Variants in SEMA5A observed in about 807,000 individuals in gnomAD.
The protein encoded by SEMA5A is semaphorin 5A.
In SEMA5A, 55 loss-of-function variants were observed where a neutral mutation model predicts 135.5. The observed-to-expected ratio is 0.41, with a 90% CI of 0.33 to 0.51. SEMA5A has a LOEUF of 0.51. SEMA5A is among the 20% of genes least tolerant of loss of function. The pLI, the probability that SEMA5A is intolerant of heterozygous loss-of-function variation, is 0.37. For missense variants in SEMA5A, 1,290 were observed against 1,419.9 expected, an observed-to-expected ratio of 0.91 and a Z score of 1.47; for synonymous variants, 580 against 546.5, an observed-to-expected ratio of 1.06 and a Z score of -0.85.
At chr5:9,531,176 C>A (rs1737411704) in intron 1 of SEMA5A, among the ~76,000 whole-genome samples, 1 of 152,194 alleles carries the variant, frequency 6.6e-6, no homozygotes, top group Admixed American at 6.5e-5. Context: ...ATCAAGCACT[C>A]TGACCAGAAA....
At chr5:9,137,595 G>A (rs1334973973) in intron 12 of SEMA5A, among the ~76,000 whole-genome samples, 3 of 152,170 alleles carry the variant, frequency 2.0e-5, no homozygotes, top group South Asian at 4.1e-4. Flanking sequence ...GGAAGCAGAT[G>A]TGAGGAAAGA....
At chr5:9,351,624 T>G (rs1754120149) in intron 3 of SEMA5A, among the ~76,000 whole-genome samples, 1 of 152,220 alleles carries the variant, frequency 6.6e-6, no homozygotes, top group South Asian at 2.1e-4. Context: ...AACACTGTTA[T>G]TCAATGAAGA....
chr5:9,169,692 G>A (rs753688682), intron 11 of SEMA5A, among the ~76,000 whole-genome samples: 3 of 152,160 alleles, frequency 2.0e-5, no homozygotes, highest in Non-Finnish European at 2.9e-5. Flanking sequence ...CAACTTTGGT[G>A]TGGCCTCTAG....
intron 8 of SEMA5A, among the ~76,000 whole-genome samples, chr5:9,211,158 C>T (rs1746327123): frequency 6.6e-6 from 1 of 152,170 alleles, no homozygotes; most frequent in Non-Finnish European, 1.5e-5. Context: ...ATCTCATCTT[C>T]ACCCTAGCAA....
chr5:9,400,511 T>TCATGAAGAAATCAACTCTACAATTAC (rs1279162438), intron 2 of SEMA5A, among the ~76,000 whole-genome samples: 2 of 66,682 alleles, frequency 3.0e-5, no homozygotes, highest in African/African-American at 1.4e-4. Context: ...ATTTTTTTTT[T>TCATGAAGAAATCAACTCTACAATTAC]TTTTTTTTTT....
chr5:9,099,454 A>G (rs1163052471), intron 16 of SEMA5A, among the ~76,000 whole-genome samples: 1 of 152,212 alleles, frequency 6.6e-6, no homozygotes, highest in Non-Finnish European at 1.5e-5. Flanking sequence ...TATTCCCTTT[A>G]CGGAAGAATA....
intron 5 of SEMA5A, among the ~76,000 whole-genome samples, chr5:9,307,294 G>A (rs1032345966): frequency 6.6e-6 from 1 of 152,126 alleles, no homozygotes; most frequent in Non-Finnish European, 1.5e-5. Context: ...AGCTATGAGA[G>A]CACAGCAAAA....
At chr5:9,306,117 G>A (rs1268560605) in intron 5 of SEMA5A, among the ~76,000 whole-genome samples, 1 of 152,158 alleles carries the variant, frequency 6.6e-6, no homozygotes, top group Non-Finnish European at 1.5e-5. Context: ...TGACTATAAC[G>A]TGCTGGTGTG....
At chr5:9,074,868 T>A (rs1226629688) in intron 16 of SEMA5A, among the ~76,000 whole-genome samples, 2 of 152,256 alleles carry the variant, frequency 1.3e-5, no homozygotes, top group East Asian at 3.9e-4. Context: ...GAGGACACAA[T>A]GCTTTAGATT....
At chr5:9,162,538 A>G (rs375668336) in intron 11 of SEMA5A, among the ~76,000 whole-genome samples, 10 of 73,558 alleles carry the variant, frequency 1.4e-4, no homozygotes, top group Non-Finnish European at 3.3e-4. Flanking sequence ...ATATATATGT[A>G]TGTGTGTATA....
chr5:9,366,599 A>G (rs1319275014), intron 3 of SEMA5A, among the ~76,000 whole-genome samples: 1 of 152,202 alleles, frequency 6.6e-6, no homozygotes, highest in East Asian at 1.9e-4. Context: ...CGTGTTAGCT[A>G]GGACGGTCTC....
Position 9,226,975 on chromosome 5 carries a change from A to G in SEMA5A, c.334-8T>C. 7.0e-7 allele frequency: 1 copy of G among 1,437,962 alleles called. No individual in the cohort carries two copies. The highest frequency in any genetic ancestry group is 1.8e-4 in the Middle Eastern group (1 of 5,418). 89.1% of individuals were successfully genotyped at this position (1,437,962 alleles called of 1,614,324 possible). ...GTAGTTCTGACATTCCTCCTGAGGG[A>G]AAATAAATAAATTAATTAAAAATAT... On this transcript the variant is annotated splice_polypyrimidine_tract_variant and splice_region_variant and intron_variant, in intron 6 of 22. Transcript: ENST00000382496.
chr5:9,482,102 A>C (rs772376345), intron 1 of SEMA5A, among the ~76,000 whole-genome samples: 3 of 152,194 alleles, frequency 2.0e-5, no homozygotes, highest in Non-Finnish European at 4.4e-5. Flanking sequence ...TTTCTCATTT[A>C]ATGTGATCGC....
At chr5:9,399,784 G>A (rs756576416) in intron 2 of SEMA5A, among the ~76,000 whole-genome samples, 5 of 152,132 alleles carry the variant, frequency 3.3e-5, no homozygotes, top group Non-Finnish European at 7.4e-5. Context: ...TCTTGGGTAA[G>A]AGGGGCTTCC....
intron 5 of SEMA5A, among the ~76,000 whole-genome samples, chr5:9,249,900 G>T (rs1748683939): frequency 6.6e-6 from 1 of 152,214 alleles, no homozygotes; most frequent in Admixed American, 6.5e-5. Flanking sequence ...TGGAGAACTG[G>T]ACCCCAGGGT....
chr5:9,052,441 A>C (rs187018393), intron 19 of SEMA5A, among the ~76,000 whole-genome samples: 329 of 152,274 alleles, frequency 2.2e-3, no homozygotes, highest in Non-Finnish European at 3.7e-3. Context: ...GCTTTCCTGA[A>C]ACATTCCTGA....
intron 1 of SEMA5A, among the ~76,000 whole-genome samples, chr5:9,497,052 C>A (rs185106907): frequency 1.3e-5 from 2 of 152,160 alleles, no homozygotes; most frequent in Non-Finnish European, 2.9e-5. Context: ...CTTACAAATG[C>A]AATGCCTTAT....
chr5:9,046,702 T>G (rs926959224), intron 21 of SEMA5A, among the ~76,000 whole-genome samples: 9 of 152,174 alleles, frequency 5.9e-5, no homozygotes, highest in African/African-American at 2.2e-4. Context: ...CCCTGAACTT[T>G]TCCCTCTAAG....
At chr5:9,300,911 C>T (rs1751581215) in intron 5 of SEMA5A, among the ~76,000 whole-genome samples, 1 of 152,140 alleles carries the variant, frequency 6.6e-6, no homozygotes, top group African/African-American at 2.4e-5. Context: ...GGGAGTGGAG[C>T]CCTGCTGATA....
Sources: gnomAD v4.1 joint callset for allele counts (sites outside exome capture counted in the v4.1 genomes callset) on GRCh38, gnomAD v4.1.1 for gene constraint, MANE v1.5 for transcripts, NCBI Gene and HGNC (gene_info 2026-07-23, HGNC 2026-07-21) for gene names.